Variants in ADAMTS3 observed in about 807,000 individuals in gnomAD.
The protein encoded by ADAMTS3 is ADAM metallopeptidase with thrombospondin type 1 motif 3, also known as A disintegrin and metalloproteinase with thrombospondin motifs 3.
In ADAMTS3, 73 loss-of-function variants were observed where a neutral mutation model predicts 129.0. That is an observed-to-expected ratio of 0.57 (90% CI 0.47 to 0.69). The LOEUF (loss-of-function observed/expected upper bound fraction) is 0.69, where lower values mean the gene tolerates loss of function less well. Among genes scored for constraint, ADAMTS3 ranks in the 30% least tolerant of loss-of-function variants. The probability of loss-of-function intolerance (pLI) is 0.00; values close to 1 mark genes in which losing one functional copy is unlikely to be tolerated. For missense variants in ADAMTS3, 1,457 were observed against 1,514.5 expected (o/e 0.96, Z 0.63); for synonymous variants, 477 against 510.8 (o/e 0.93, Z 0.89).
chr4:72,445,030 G>T (rs1020384109), intron 3 of ADAMTS3, among the ~76,000 whole-genome samples: 2 of 151,590 alleles, frequency 1.3e-5, no homozygotes, highest in African/African-American at 4.8e-5. Context: ...AGTGGTTTCT[G>T]AAAGGAGAGG....
intron 3 of ADAMTS3, among the ~76,000 whole-genome samples, chr4:72,507,521 C>T (rs1720194820): frequency 6.6e-6 from 1 of 152,172 alleles, no homozygotes; most frequent in Non-Finnish European, 1.5e-5. Flanking sequence ...CTTAAGTTTG[C>T]CTTCAATTTC....
In ADAMTS3 at chr4:72,537,032, T is replaced by C. The variant is rs72853090; in HGVS notation, c.504+11446A>G. On this transcript the variant is annotated intron_variant, in intron 3 of 21. Transcript: ENST00000286657. ...CATACTGGCAGAATCTGTCTGATGA[T>C]AGGATTTTGGAACTCTGTAGTCTAC... is the stretch of plus-strand genomic sequence containing the variant. Among the ~76,000 whole-genome samples the C allele has an allele frequency of 5.4e-3, 827 of 152,340 alleles. 13 individuals are homozygous for C. Among genetic ancestry groups the C allele is most frequent in the African/African-American group, 0.019 (786 of 41,572 alleles).
chr4:72,375,683 G>T (rs929529220), intron 4 of ADAMTS3, among the ~76,000 whole-genome samples: 1 of 152,154 alleles, frequency 6.6e-6, no homozygotes, highest in African/African-American at 2.4e-5. Flanking sequence ...CTTAAAAGAG[G>T]AGGTCCTTTC....
At chr4:72,565,452 G>A (rs975628308) in intron 2 of ADAMTS3, among the ~76,000 whole-genome samples, 1 of 152,024 alleles carries the variant, frequency 6.6e-6, no homozygotes, top group Non-Finnish European at 1.5e-5. Flanking sequence ...ATGGGAACAG[G>A]GGAGCAAAAC....
At chr4:72,446,967 C>T (rs1042091348) in intron 3 of ADAMTS3, among the ~76,000 whole-genome samples, 3 of 151,620 alleles carry the variant, frequency 2.0e-5, no homozygotes, top group African/African-American at 7.3e-5. Flanking sequence ...AAAGAAACAA[C>T]AAAATGATCT....
At chr4:72,393,013 C>T (rs1230951570) in intron 4 of ADAMTS3, among the ~76,000 whole-genome samples, 2 of 151,536 alleles carry the variant, frequency 1.3e-5, no homozygotes, top group Non-Finnish European at 2.9e-5. Context: ...ACAACCTCTG[C>T]CTCCCAGGTT....
intron 15 of ADAMTS3, among the ~76,000 whole-genome samples, chr4:72,307,550 T>C (rs1177117953): frequency 2.6e-5 from 4 of 152,024 alleles, no homozygotes; most frequent in African/African-American, 9.7e-5. Context: ...CAAAGTCTTG[T>C]TGTTTCATTG....
At chr4:72,456,651 C>T (rs1718628734) in intron 3 of ADAMTS3, among the ~76,000 whole-genome samples, 1 of 151,064 alleles carries the variant, frequency 6.6e-6, no homozygotes, top group Non-Finnish European at 1.5e-5. Context: ...ACATAGGCAC[C>T]CACTAATTCC....
At chr4:72,342,358 ACT>A (rs1491112376) in intron 4 of ADAMTS3, among the ~76,000 whole-genome samples, 4 of 99,216 alleles carry the variant, frequency 4.0e-5, no homozygotes, top group African/African-American at 1.4e-4. Flanking sequence ...TTCCCCAATT[ACT>A]TTTTTTTTTT....
chr4:72,503,177 C>G (rs1035826088), intron 3 of ADAMTS3, among the ~76,000 whole-genome samples: 2 of 152,034 alleles, frequency 1.3e-5, no homozygotes, highest in Non-Finnish European at 2.9e-5. Context: ...TGCCCACCAC[C>G]ACGCTTGGCT....
At chr4:72,352,227 GTGGTAT>G (rs1461740956) in intron 4 of ADAMTS3, among the ~76,000 whole-genome samples, 1 of 151,984 alleles carries the variant, frequency 6.6e-6, no homozygotes, top group African/African-American at 2.4e-5. Context: ...GTGGTATACA[GTGGTAT>G]TGATTTTGTA....
At chr4:72,438,313 A>G (rs2109957050) in intron 3 of ADAMTS3, among the ~76,000 whole-genome samples, 1 of 151,866 alleles carries the variant, frequency 6.6e-6, no homozygotes, top group Admixed American at 6.6e-5. Context: ...TAAGGGCCCT[A>G]AAGAGCTTTT....
intron 4 of ADAMTS3, among the ~76,000 whole-genome samples, chr4:72,401,974 C>G (rs1435299305): frequency 6.6e-6 from 1 of 152,148 alleles, no homozygotes; most frequent in Non-Finnish European, 1.5e-5. Context: ...ACAATAATAT[C>G]TAAGACACTG....
At chr4:72,525,905 C>T (rs1460172358) in intron 3 of ADAMTS3, among the ~76,000 whole-genome samples, 1 of 152,182 alleles carries the variant, frequency 6.6e-6, no homozygotes, top group Non-Finnish European at 1.5e-5. Flanking sequence ...TTATGATCCT[C>T]TTAAATCATC....
chr4:72,421,836 T>A (rs1722453016), intron 3 of ADAMTS3, among the ~76,000 whole-genome samples: 4 of 152,164 alleles, frequency 2.6e-5, no homozygotes, highest in Admixed American at 2.6e-4. Flanking sequence ...GAGTGACTAT[T>A]TTTAAAGTAC....
intron 17 of ADAMTS3, among the ~76,000 whole-genome samples, chr4:72,302,746 T>C (rs1578564169): frequency 6.6e-6 from 1 of 151,952 alleles, no homozygotes; most frequent in Non-Finnish European, 1.5e-5. Context: ...AACAAAAAGA[T>C]GAAGAGAAAA....
At chr4:72,434,456 A>C (rs1229773491) in intron 3 of ADAMTS3, among the ~76,000 whole-genome samples, 1 of 151,758 alleles carries the variant, frequency 6.6e-6, no homozygotes, top group Non-Finnish European at 1.5e-5. Flanking sequence ...CCGGACCTTT[A>C]AGAAACACCA....
intron 3 of ADAMTS3, among the ~76,000 whole-genome samples, chr4:72,460,375 C>T (rs1435852080): frequency 2.0e-5 from 3 of 151,256 alleles, no homozygotes; most frequent in Non-Finnish European, 4.4e-5. Context: ...ACTAGCATTT[C>T]AAAAATTGAA....
chr4:72,359,125 T>C (rs1720656013), intron 4 of ADAMTS3, among the ~76,000 whole-genome samples: 1 of 151,972 alleles, frequency 6.6e-6, no homozygotes, highest in Non-Finnish European at 1.5e-5. Flanking sequence ...TTGTTTTAAG[T>C]GAGAGAACAA....
Sources: gnomAD v4.1 joint callset for allele counts (sites outside exome capture counted in the v4.1 genomes callset) on GRCh38, gnomAD v4.1.1 for gene constraint, MANE v1.5 for transcripts, NCBI Gene and HGNC (gene_info 2026-07-23, HGNC 2026-07-21) for gene names.